SLX9: variants seen among roughly 807,000 people sequenced by gnomAD.
SLX9 encodes SLX9 ribosome biogenesis factor.
A neutral mutation model predicts 20.8 loss-of-function variants in SLX9; 19 were observed. That is an observed-to-expected ratio of 0.91 (90% CI 0.64 to 1.34). SLX9 has a LOEUF of 1.34. SLX9 is among the 40% of genes most tolerant of loss of function. The pLI, the probability that SLX9 is intolerant of heterozygous loss-of-function variation, is 0.00. For missense variants in SLX9, 299 were observed against 322.2 expected, an observed-to-expected ratio of 0.93 and a Z score of 0.55; for synonymous variants, 113 against 137.1, an observed-to-expected ratio of 0.82 and a Z score of 1.23.
intron 2 of SLX9, among the ~76,000 whole-genome samples, chr21:44,947,674 T>C (rs1214158906): frequency 6.6e-6 from 1 of 152,092 alleles, no homozygotes; most frequent in Non-Finnish European, 1.5e-5. Context: ...TGACCCCCTG[T>C]TCCCTTCCTG....
chr21:44,955,601 G>C (rs1028660327), intron 2 of SLX9, among the ~76,000 whole-genome samples: 1 of 151,972 alleles, frequency 6.6e-6, no homozygotes, highest in Admixed American at 6.6e-5. Context: ...CTGCAGCTTC[G>C]ACCTCCTGGG....
chr21:44,964,176 C>T (rs2084993101), intron 3 of SLX9, among the ~76,000 whole-genome samples: 1 of 152,176 alleles, frequency 6.6e-6, no homozygotes, highest in African/African-American at 2.4e-5. Flanking sequence ...AGTTTTTTCT[C>T]AGCTCTCTGC....
intron 1 of SLX9, among the ~76,000 whole-genome samples, chr21:44,942,544 C>T (rs1389754183): frequency 6.6e-6 from 1 of 152,182 alleles, no homozygotes; most frequent in African/African-American, 2.4e-5. Context: ...CATCCTGTCT[C>T]CTCTGTAATG....
chr21:44,970,539 T>C (rs1451512070), intron 4 of SLX9, among the ~76,000 whole-genome samples: 2 of 152,176 alleles, frequency 1.3e-5, no homozygotes, highest in Non-Finnish European at 2.9e-5. Flanking sequence ...CCCTGAGATC[T>C]GGGGCTCGGT....
intron 4 of SLX9, among the ~76,000 whole-genome samples, chr21:44,968,272 A>G (rs2085077516): frequency 6.7e-6 from 1 of 149,304 alleles, no homozygotes; most frequent in Non-Finnish European, 1.5e-5. Flanking sequence ...CACAACCCCC[A>G]GTGACGCAAC....
intron 1 of SLX9, 118 bp downstream of exon 1, chr21:44,940,304 T>A (rs1402610659): frequency 8.5e-7 from 1 of 1,171,958 alleles, no homozygotes. Context: ...TCTGCGGGCA[T>A]TTGCTGCGCT....
intron 3 of SLX9, among the ~76,000 whole-genome samples, chr21:44,966,219 C>G (rs1601412022): frequency 6.6e-6 from 1 of 152,300 alleles, no homozygotes. Context: ...GCCGCTGTCC[C>G]AGACAGCGGG....
chr21:44,962,564 C>T (rs1039533833), intron 3 of SLX9, among the ~76,000 whole-genome samples: 9 of 152,248 alleles, frequency 5.9e-5, no homozygotes, highest in African/African-American at 2.2e-4. Context: ...TTGTTACTCA[C>T]TTTCCTGCTG....
chr21:44,942,255 G>C (rs560436221), intron 1 of SLX9, among the ~76,000 whole-genome samples: 101 of 152,318 alleles, frequency 6.6e-4, no homozygotes, highest in Non-Finnish European at 1.1e-3. Context: ...CTGTTTGCCT[G>C]TGAGGCCTCA....
At chr21:44,946,520 A>G (rs73906964) in intron 2 of SLX9, among the ~76,000 whole-genome samples, 2,746 of 152,338 alleles carry the variant, frequency 0.018, 92 homozygotes, top group African/African-American at 0.063. Flanking sequence ...GCTTCTGGCC[A>G]GGAGCCGGTG....
chr21:44,953,328 G>A (rs1434979448), intron 2 of SLX9, among the ~76,000 whole-genome samples: 3 of 152,186 alleles, frequency 2.0e-5, no homozygotes, highest in South Asian at 2.1e-4. Context: ...TGTCTTGCGA[G>A]GTTCCCTAGG....
chr21:44,974,185 G>A (rs1175625001), intron 5 of SLX9, among the ~76,000 whole-genome samples: 2 of 152,200 alleles, frequency 1.3e-5, no homozygotes, highest in Non-Finnish European at 1.5e-5. Context: ...TTAGCTGCTG[G>A]GATGATTTTT....
At chr21:44,943,143 G>A (rs1262312472) in intron 1 of SLX9, among the ~76,000 whole-genome samples, 1 of 152,178 alleles carries the variant, frequency 6.6e-6, no homozygotes, top group East Asian at 1.9e-4. Context: ...GGGGGGTTCT[G>A]TCTCCTCACG....
intron 4 of SLX9, among the ~76,000 whole-genome samples, chr21:44,971,304 G>T (rs1440578648): frequency 6.6e-6 from 1 of 152,168 alleles, no homozygotes; most frequent in Non-Finnish European, 1.5e-5. Context: ...GTGGAGTCGC[G>T]TCCCTGCCGG....
intron 5 of SLX9, among the ~76,000 whole-genome samples, chr21:44,974,694 G>C (rs564551520): frequency 2.0e-5 from 3 of 152,306 alleles, no homozygotes; most frequent in East Asian, 1.9e-4. Context: ...GCCTCCTGAG[G>C]AGCAGGGTCT....
chr21:44,969,240 C>T (rs2085098190), intron 4 of SLX9: 1 of 469,116 alleles, frequency 2.1e-6, no homozygotes, highest in Non-Finnish European at 4.4e-6. Flanking sequence ...GGCGGAGGCA[C>T]CAGAGCACTG....
chr21:44,949,583 G>A (rs1402257459), intron 2 of SLX9, among the ~76,000 whole-genome samples: 2 of 152,114 alleles, frequency 1.3e-5, no homozygotes, highest in African/African-American at 4.8e-5. Flanking sequence ...ACTCTTAGAC[G>A]CCGGGCACAG....
intron 4 of SLX9, among the ~76,000 whole-genome samples, chr21:44,970,350 G>A (rs554557687): frequency 1.3e-5 from 2 of 148,862 alleles, no homozygotes; most frequent in South Asian, 2.1e-4. Flanking sequence ...AGCATTGGCC[G>A]CTGGGAGTTC....
intron 3 of SLX9, among the ~76,000 whole-genome samples, chr21:44,964,485 C>T (rs373923018): frequency 2.0e-5 from 3 of 152,220 alleles, no homozygotes; most frequent in Admixed American, 6.5e-5. Context: ...AGGCCTCCCC[C>T]GGTCACTCTC....
Sources: allele counts gnomAD v4.1 joint callset (sites outside exome capture counted in the v4.1 genomes callset), GRCh38; gene constraint gnomAD v4.1.1; transcripts MANE v1.5; gene names NCBI Gene and HGNC (gene_info 2026-07-23, HGNC 2026-07-21).